MTUS2: variants seen among roughly 807,000 people sequenced by gnomAD.
The protein encoded by MTUS2 is microtubule-associated tumor suppressor candidate 2.
In MTUS2, 40 loss-of-function variants were observed where a neutral mutation model predicts 114.1. The ratio of observed to expected loss-of-function variants is 0.35; its 90% CI spans 0.27 to 0.46. The LOEUF (loss-of-function observed/expected upper bound fraction) is 0.46. Ranked by LOEUF, MTUS2 falls within the 20% of genes least tolerant of loss-of-function variation. The probability of loss-of-function intolerance (pLI) is 1.00; values close to 1 mark genes in which losing one functional copy is unlikely to be tolerated. For synonymous variants in MTUS2, 688 were observed against 672.0 expected, an observed-to-expected ratio of 1.02 and a Z score of -0.37; for missense variants, 1,679 against 1,705.4, an observed-to-expected ratio of 0.98 and a Z score of 0.27.
intron 2 of MTUS2, among the ~76,000 whole-genome samples, chr13:28,893,408 G>T (rs528586410): frequency 6.6e-6 from 1 of 152,132 alleles, no homozygotes; most frequent in East Asian, 1.9e-4. Context: ...AAACATAGAC[G>T]GGAAGTGGCC....
At chr13:29,457,780 A>G (rs1298583773) in intron 9 of MTUS2, among the ~76,000 whole-genome samples, 1 of 152,148 alleles carries the variant, frequency 6.6e-6, no homozygotes, top group Admixed American at 6.5e-5. Flanking sequence ...CGAGGGCCCC[A>G]GTCCCTCTAC....
intron 5 of MTUS2, among the ~76,000 whole-genome samples, chr13:29,167,935 C>G (rs191084905): frequency 1.3e-5 from 2 of 152,126 alleles, no homozygotes; most frequent in Admixed American, 1.3e-4. Flanking sequence ...ACATGACAGG[C>G]AAGAGGAAAG....
intron 8 of MTUS2, among the ~76,000 whole-genome samples, chr13:29,381,850 T>C (rs1329484392): frequency 1.3e-5 from 2 of 152,016 alleles, no homozygotes; most frequent in Non-Finnish European, 2.9e-5. Flanking sequence ...CCTATTTTGA[T>C]CACCTCATGA....
At chr13:29,329,052 CTAT>C (rs1435090484) in intron 7 of MTUS2, among the ~76,000 whole-genome samples, 1 of 152,102 alleles carries the variant, frequency 6.6e-6, no homozygotes, top group African/African-American at 2.4e-5. Flanking sequence ...CATTTAAAAA[CTAT>C]TATTTTATGT....
chr13:29,394,681 G>A (rs1275964930), intron 8 of MTUS2, among the ~76,000 whole-genome samples: 1 of 152,222 alleles, frequency 6.6e-6, no homozygotes, highest in East Asian at 1.9e-4. Flanking sequence ...TACCCATCCT[G>A]GTTCTGTGGC....
intron 2 of MTUS2, among the ~76,000 whole-genome samples, chr13:28,885,180 G>A (rs1878519124): frequency 6.6e-6 from 1 of 152,182 alleles, no homozygotes; most frequent in South Asian, 2.1e-4. Context: ...TTGCTCTGCA[G>A]TGATTCTATT....
intron 1 of MTUS2, among the ~76,000 whole-genome samples, chr13:28,833,495 AC>A (rs1278894880): frequency 6.6e-6 from 1 of 152,136 alleles, no homozygotes; most frequent in Non-Finnish European, 1.5e-5. Context: ...AAACAAAAAA[AC>A]CACTTGACAA....
At chr13:29,262,549 A>G (rs1350492051) in intron 5 of MTUS2, among the ~76,000 whole-genome samples, 2 of 150,364 alleles carry the variant, frequency 1.3e-5, no homozygotes, top group Admixed American at 6.7e-5. Context: ...CCCCCCTATA[A>G]TGATTAAATT....
Position 29,329,305 on chromosome 13 carries a change from G to A in MTUS2, c.2905+4594G>A, listed in dbSNP as rs189957380. Among the ~76,000 whole-genome samples, 636 of 138,616 alleles carry A rather than the reference G, an allele frequency of 4.6e-3. 4 individuals are homozygous for A. The highest frequency in any genetic ancestry group is 6.3e-3 in the Non-Finnish European group (407 of 65,098). 90.9% of individuals were successfully genotyped at this position (138,616 alleles called of 152,430 possible). The stretch of plus-strand genomic sequence containing the variant: ...TAGCCCCCCACCCCCTGACAGGCCC[G>A]GGCTTGTGATGTTCCCCTCCCTGTG... On this transcript the variant is annotated intron_variant, in intron 7 of 15. Coordinates refer to ENST00000612955, the MANE Select transcript of MTUS2 (RefSeq NM_001033602.4).
At chr13:29,247,166 A>G (rs1472464114) in intron 5 of MTUS2, among the ~76,000 whole-genome samples, 1 of 152,250 alleles carries the variant, frequency 6.6e-6, no homozygotes, top group Non-Finnish European at 1.5e-5. Context: ...AAGTGGGGAA[A>G]GGACACCTTA....
chr13:29,439,562 A>T (rs1314611811), intron 8 of MTUS2, among the ~76,000 whole-genome samples: 5 of 152,248 alleles, frequency 3.3e-5, no homozygotes, highest in Non-Finnish European at 4.4e-5. Flanking sequence ...TTTAAAAAAC[A>T]GTTGGTAAAA....
chr13:29,000,935 A>G (rs1885356852), intron 2 of MTUS2, among the ~76,000 whole-genome samples: 1 of 152,132 alleles, frequency 6.6e-6, no homozygotes, highest in Non-Finnish European at 1.5e-5. Context: ...TCTGTTCCCA[A>G]AGTGCAGAGA....
At chr13:29,386,225 A>G (rs763549074) in intron 8 of MTUS2, among the ~76,000 whole-genome samples, 5 of 152,210 alleles carry the variant, frequency 3.3e-5, no homozygotes, top group Admixed American at 6.5e-5. Flanking sequence ...ATTCAGGACT[A>G]TTGTGATCAA....
intron 5 of MTUS2, among the ~76,000 whole-genome samples, chr13:29,180,563 A>G (rs935525429): frequency 1.3e-5 from 2 of 152,224 alleles, no homozygotes; most frequent in Non-Finnish European, 2.9e-5. Flanking sequence ...ACATCTGTCT[A>G]TACCCTCAGA....
At chr13:29,214,370 A>C (rs1489688046) in intron 5 of MTUS2, among the ~76,000 whole-genome samples, 6 of 151,984 alleles carry the variant, frequency 3.9e-5, no homozygotes, top group African/African-American at 1.5e-4. Flanking sequence ...TTTGCAGTTA[A>C]TTTTGTTATG....
At chr13:28,830,741 G>A (rs923015371) in intron 1 of MTUS2, among the ~76,000 whole-genome samples, 2 of 152,110 alleles carry the variant, frequency 1.3e-5, no homozygotes, top group African/African-American at 4.8e-5. Flanking sequence ...AAGATTACTT[G>A]AGGAAATAAT....
At chr13:29,444,074 T>C (rs933534514) in intron 9 of MTUS2, among the ~76,000 whole-genome samples, 28 of 152,290 alleles carry the variant, frequency 1.8e-4, no homozygotes, top group African/African-American at 6.7e-4. Context: ...CCAATATCTG[T>C]TAATAAATAC....
At chr13:29,130,239 T>G (rs1361512236) in intron 5 of MTUS2, among the ~76,000 whole-genome samples, 2 of 152,184 alleles carry the variant, frequency 1.3e-5, no homozygotes, top group Admixed American at 6.5e-5. Flanking sequence ...TCTCCAGCTC[T>G]TTCTTTGACT....
At chr13:29,121,528 T>C (rs1312033816) in intron 5 of MTUS2, among the ~76,000 whole-genome samples, 2 of 152,056 alleles carry the variant, frequency 1.3e-5, no homozygotes, top group Non-Finnish European at 2.9e-5. Flanking sequence ...TAAAAAGATA[T>C]ATAATAATGA....
Sources: gnomAD v4.1 joint callset for allele counts (sites outside exome capture counted in the v4.1 genomes callset) on GRCh38, gnomAD v4.1.1 for gene constraint, MANE v1.5 for transcripts, NCBI Gene and HGNC (gene_info 2026-07-23, HGNC 2026-07-21) for gene names.